Variants in NOX4 observed in about 807,000 individuals in gnomAD.
NOX4 encodes the protein NADPH oxidase 4.
Under a neutral mutation model 87.6 loss-of-function variants are expected in NOX4, and 69 were observed. That is an observed-to-expected ratio of 0.79 (90% CI 0.65 to 0.96). The LOEUF (loss-of-function observed/expected upper bound fraction) is 0.96, where lower values mean the gene tolerates loss of function less well. NOX4 is among the 40% of genes least tolerant of loss of function. NOX4 has a pLI of 0.00. For synonymous variants in NOX4, 275 were observed against 238.2 expected, an observed-to-expected ratio of 1.15 and a Z score of -1.42; for missense variants, 680 against 681.5, an observed-to-expected ratio of 1.00 and a Z score of 0.02.
the NOX4 span, among the ~76,000 whole-genome samples, chr11:89,508,893 C>T: frequency 6.6e-6 from 1 of 152,018 alleles, no homozygotes; most frequent in African/African-American, 2.4e-5. Context: ...TGTAAAGCTG[C>T]AAAGTTTCCA....
At chr11:89,439,077 A>G (rs1944344154) in intron 6 of NOX4, among the ~76,000 whole-genome samples, 1 of 138,432 alleles carries the variant, frequency 7.2e-6, no homozygotes. Flanking sequence ...GTATAATAAT[A>G]TTAGTGCCTT....
chr11:89,409,985 G>T (rs1942390014), intron 8 of NOX4, among the ~76,000 whole-genome samples: 1 of 152,018 alleles, frequency 6.6e-6, no homozygotes, highest in Non-Finnish European at 1.5e-5. Flanking sequence ...GCACTTAGGG[G>T]CTGAGCTGGG....
Position 89,393,554 on chromosome 11 carries a change from C to T in NOX4, c.1074+6463G>A, listed in dbSNP as rs185242680. Among the ~76,000 whole-genome samples the T allele has an allele frequency of 1.1e-4, 17 of 152,152 alleles. 1 individual carries two copies. In the East Asian group the frequency reaches 2.7e-3, roughly 24 times the overall value. On this transcript the variant is annotated intron_variant, in intron 11 of 17. Coordinates refer to ENST00000263317, the MANE Select transcript of NOX4 (RefSeq NM_016931.5). The stretch of plus-strand genomic sequence containing the variant: ...GCCACATGCTCATGTCTTGTACTTG[C>T]TTCTCAAAAAAAGCATAATTTCAGA...
chr11:89,469,213 C>T (rs1343004394), intron 2 of NOX4, among the ~76,000 whole-genome samples: 1 of 152,028 alleles, frequency 6.6e-6, no homozygotes, highest in East Asian at 1.9e-4. Context: ...ATTAAGGGAA[C>T]ATAAGATGAT....
intron 11 of NOX4, among the ~76,000 whole-genome samples, chr11:89,394,916 G>T (rs1329051308): frequency 6.6e-6 from 1 of 152,086 alleles, no homozygotes; most frequent in Non-Finnish European, 1.5e-5. Flanking sequence ...TGGACATTTG[G>T]GTTGGTTCCA....
intron 17 of NOX4, among the ~76,000 whole-genome samples, chr11:89,330,267 T>G (rs1945414333): frequency 6.6e-6 from 1 of 152,020 alleles, no homozygotes; most frequent in Admixed American, 6.6e-5. Flanking sequence ...GAAGAGCTCT[T>G]GAGCCCAGGA....
chr11:89,473,902 G>A (rs911766383), intron 2 of NOX4, among the ~76,000 whole-genome samples: 11 of 152,148 alleles, frequency 7.2e-5, no homozygotes, highest in Admixed American at 5.2e-4. Context: ...GAGCCAAAAT[G>A]CCTAACACAG....
intron 2 of NOX4, among the ~76,000 whole-genome samples, chr11:89,455,452 A>G (rs1945149030): frequency 6.6e-6 from 1 of 151,982 alleles, no homozygotes; most frequent in South Asian, 2.1e-4. Flanking sequence ...TTTTACAGCT[A>G]TGTATCCTCA....
At chr11:89,385,282 G>T (rs779896243) in intron 11 of NOX4, among the ~76,000 whole-genome samples, 14 of 152,132 alleles carry the variant, frequency 9.2e-5, no homozygotes, top group Non-Finnish European at 1.9e-4. Flanking sequence ...ACTTCCAAAG[G>T]AAGCTGGAGT....
chr11:89,368,588 TC>T (rs1180238617), intron 12 of NOX4, among the ~76,000 whole-genome samples: 4 of 152,162 alleles, frequency 2.6e-5, no homozygotes, highest in South Asian at 2.1e-4. Flanking sequence ...ACTCCCTCAA[TC>T]CCTTTCATAA....
intron 11 of NOX4, among the ~76,000 whole-genome samples, chr11:89,382,023 G>A (rs560814188): frequency 6.6e-6 from 1 of 152,154 alleles, no homozygotes; most frequent in African/African-American, 2.4e-5. Context: ...GTTTTCCCTT[G>A]GTGTTTAATC....
intron 13 of NOX4, among the ~76,000 whole-genome samples, chr11:89,353,043 TCCTGCCCTCAGGCGATCCA>T (rs1937681620): frequency 6.6e-6 from 1 of 152,186 alleles, no homozygotes; most frequent in South Asian, 2.1e-4. Flanking sequence ...GGTCTCAAAC[TCCTGCCCTCAGGCGATCCA>T]CCTGCCTCGG....
At chr11:89,571,584 C>G in the NOX4 span, among the ~76,000 whole-genome samples, 1 of 151,952 alleles carries the variant, frequency 6.6e-6, no homozygotes. Flanking sequence ...CGTGAGCTAC[C>G]GCACCCAGGC....
chr11:89,541,962 T>C, the NOX4 span, among the ~76,000 whole-genome samples: 3 of 146,160 alleles, frequency 2.1e-5, no homozygotes, highest in Non-Finnish European at 4.5e-5. Context: ...CACACCACCA[T>C]ACCCAGCTAA....
intron 2 of NOX4, among the ~76,000 whole-genome samples, chr11:89,470,686 C>G (rs893499702): frequency 2.0e-5 from 3 of 152,158 alleles, no homozygotes; most frequent in Non-Finnish European, 4.4e-5. Context: ...GCCACTATAG[C>G]TTTTCTATGA....
the NOX4 span, among the ~76,000 whole-genome samples, chr11:89,537,846 G>A: frequency 1.3e-5 from 2 of 152,100 alleles, no homozygotes; most frequent in African/African-American, 2.4e-5. Context: ...CGACATAAAA[G>A]ATGGCTGTAG....
intron 7 of NOX4, among the ~76,000 whole-genome samples, chr11:89,431,658 T>C (rs533861063): frequency 1.1e-4 from 17 of 152,082 alleles, no homozygotes; most frequent in East Asian, 1.9e-4. Context: ...GAGATACCAT[T>C]TCACACCAGT....
chr11:89,404,255 T>G lies in NOX4; in HGVS notation c.630-1713A>C, dbSNP rs141875845. Among the ~76,000 whole-genome samples the G allele has an allele frequency of 3.3e-5, 5 of 152,004 alleles. No homozygotes were observed. The East Asian group carries it at 7.9e-4, about 24-fold the overall frequency. ...ATTTACCCAAACCTTTTGCTCCTAT[T>G]GGCCATCGGAAGGATAGTGACTGAT... On this transcript the variant is annotated intron_variant, in intron 8 of 17. Transcript: ENST00000263317.
chr11:89,471,373 A>G (rs1275636829), intron 2 of NOX4, among the ~76,000 whole-genome samples: 2 of 152,080 alleles, frequency 1.3e-5, no homozygotes, highest in Non-Finnish European at 2.9e-5. Context: ...TGTTCTGAGC[A>G]ACGAAAGTCA....
Sources: allele counts gnomAD v4.1 joint callset (sites outside exome capture counted in the v4.1 genomes callset), GRCh38; gene constraint gnomAD v4.1.1; transcripts MANE v1.5; gene names NCBI Gene and HGNC (gene_info 2026-07-23, HGNC 2026-07-21).